The following PWWP2A variants were observed in gnomAD, a reference collection of about 807,000 sequenced individuals.
PWWP2A encodes PWWP domain-containing protein 2A.
In PWWP2A, 18 loss-of-function variants were observed where a neutral mutation model predicts 48.5. That is an observed-to-expected ratio of 0.37 (90% CI 0.26 to 0.55). The LOEUF (loss-of-function observed/expected upper bound fraction) is 0.55. Among genes scored for constraint, PWWP2A ranks in the 20% least tolerant of loss-of-function variants. PWWP2A has a pLI of 0.81. For missense variants in PWWP2A, 867 were observed against 976.4 expected, an observed-to-expected ratio of 0.89 and a Z score of 1.49; for synonymous variants, 396 against 387.7, an observed-to-expected ratio of 1.02 and a Z score of -0.25.
chr5:160,073,041 A>C (rs1420926264), downstream of PWWP2A, among the ~76,000 whole-genome samples: 1 of 145,806 alleles, frequency 6.9e-6, no homozygotes, highest in Non-Finnish European at 1.5e-5. Context: ...AAATCCTAAC[A>C]TCTCCCCAGG....
chr5:160,077,227 G>C lies in PWWP2A; in HGVS notation c.*928C>G, dbSNP rs950748585. 6 of 152,142 alleles carry C rather than the reference G, an allele frequency of 3.9e-5. No individual in the cohort carries two copies. The highest frequency in any genetic ancestry group is 1.4e-4 in the African/African-American group (6 of 41,412). The allele number at this position is 152,142 out of a possible 1,614,324, so 9.4% of individuals were successfully genotyped here. ...ACCTGTTGGAATTTCTTGCACTTAG[G>C]AGCGGCTCTCTATGGAGAGAGGTCC... On this transcript the variant is annotated 3_prime_UTR_variant, in exon 4 of 4. Transcript: ENST00000456329. This position sits in a 1 kb window ranked among gnomAD's most constrained non-coding sequence, Gnocchi z 4.2.
chr5:160,105,605 G>A lies in PWWP2A; in HGVS notation c.585-11540C>T, dbSNP rs553998523. On this transcript the variant is annotated intron_variant, in intron 1 of 1. Transcript: ENST00000307063. ...AAAAAAGAAAGCAAGCATGCCAGAA[G>A]GGGACTATAGGGACAAAACTTACCT... The A allele has an allele frequency of 1.8e-3, 1,274 of 701,652 alleles. 2 individuals are homozygous for A. The highest frequency in any genetic ancestry group is 2.1e-3 in the Non-Finnish European group (1,195 of 572,838). 43.5% of individuals were successfully genotyped at this position (701,652 alleles called of 1,614,324 possible).
At chr5:160,059,809 G>A (rs78618476), downstream of PWWP2A, among the ~76,000 whole-genome samples, 2,418 of 152,244 alleles carry the variant, frequency 0.016, 47 homozygotes, top group African/African-American at 0.055. Flanking sequence ...ACAGGTATAA[G>A]AATAGTGAAA....
downstream of PWWP2A, among the ~76,000 whole-genome samples, chr5:160,087,227 T>TA (rs56279502): frequency 7.9e-5 from 12 of 151,928 alleles, no homozygotes; most frequent in African/African-American, 2.9e-4. Context: ...AAACATTTTT[T>TA]AAAAATTAGC....
downstream of PWWP2A, among the ~76,000 whole-genome samples, chr5:160,060,312 ATCAAT>A (rs1757663771): frequency 6.6e-6 from 1 of 152,236 alleles, no homozygotes; most frequent in Non-Finnish European, 1.5e-5. Flanking sequence ...TGTATAACAA[ATCAAT>A]TGGGTTATGG....
chr5:160,071,880 T>TA (rs553841672), downstream of PWWP2A, among the ~76,000 whole-genome samples: 8 of 152,232 alleles, frequency 5.3e-5, 1 homozygote, highest in South Asian at 1.7e-3. Flanking sequence ...TCCCTCCCCT[T>TA]AAAAAATACA....
At chr5:160,081,280 G>C (rs1016477512) in intron 2 of PWWP2A, among the ~76,000 whole-genome samples, 7 of 146,176 alleles carry the variant, frequency 4.8e-5, no homozygotes, top group Non-Finnish European at 8.9e-5. Flanking sequence ...ACTCTTGTTA[G>C]CAGGCTGGAG....
intron 1 of PWWP2A, chr5:160,116,647 C>A: frequency 1.0e-6 from 1 of 985,026 alleles, no homozygotes; most frequent in Non-Finnish European, 1.2e-6. Context: ...AAAGCACTAA[C>A]ACAATGAGCA....
rs185421452 is a variant in PWWP2A, at chr5:160,094,224, A to G, written c.585-159T>C. ...ACAAAAATCTACTATCTCTTCCCCC[A>G]AAAGTTCAAAGACCTTCATTTCTTT... On this transcript the variant is annotated intron_variant, in intron 1 of 1. Coordinates refer to ENST00000307063, the MANE Select transcript of PWWP2A (RefSeq NM_001130864.2). Among the ~76,000 whole-genome samples the G allele has an allele frequency of 3.5e-3, 535 of 152,356 alleles. 1 individual carries two copies. The highest frequency in any genetic ancestry group is 0.013 in the African/African-American group (523 of 41,584).
chr5:160,062,493 A>G (rs1753448131), intron 5 of PWWP2A, among the ~76,000 whole-genome samples: 1 of 152,168 alleles, frequency 6.6e-6, no homozygotes, highest in Non-Finnish European at 1.5e-5. Context: ...TCCCCACTAG[A>G]CTGAGCATTG....
At chr5:160,057,312 A>T (rs951891802), downstream of PWWP2A, among the ~76,000 whole-genome samples, 1 of 152,216 alleles carries the variant, frequency 6.6e-6, no homozygotes, top group African/African-American at 2.4e-5. This position sits in a 1 kb window ranked among gnomAD's most constrained non-coding sequence, Gnocchi z 4.4. Context: ...CAGCACAATA[A>T]AGCGAGTCAC....
intron 4 of PWWP2A, among the ~76,000 whole-genome samples, chr5:160,064,535 C>T (rs938776869): frequency 6.6e-6 from 1 of 152,204 alleles, no homozygotes; most frequent in Non-Finnish European, 1.5e-5. Flanking sequence ...GGGACCTCTG[C>T]CCTCACTACC....
chr5:160,083,014 TA>T (rs1174242295), intron 2 of PWWP2A, among the ~76,000 whole-genome samples: 1 of 152,118 alleles, frequency 6.6e-6, no homozygotes, highest in Non-Finnish European at 1.5e-5. Context: ...AATTAAAAAC[TA>T]AAAACTTAAG....
At chr5:160,051,081 G>GT in the PWWP2A span, 9 of 1,094,290 alleles carry the variant, frequency 8.2e-6, no homozygotes, top group Non-Finnish European at 1.0e-5. Context: ...GAAAGGTTTT[G>GT]GTTTTTTTTT....
At chr5:160,085,498 T>C (rs1754554179) in intron 2 of PWWP2A, among the ~76,000 whole-genome samples, 1 of 143,738 alleles carries the variant, frequency 7.0e-6, no homozygotes, top group South Asian at 2.2e-4. Flanking sequence ...CAAGTAACTG[T>C]CACATTCTTT....
At chr5:160,046,099 G>A in the PWWP2A span, among the ~76,000 whole-genome samples, 1 of 152,224 alleles carries the variant, frequency 6.6e-6, no homozygotes, top group East Asian at 1.9e-4. Flanking sequence ...TTCAATTGCT[G>A]TACCATTTAT....
intron 1 of PWWP2A, among the ~76,000 whole-genome samples, chr5:160,094,760 G>T (rs73311154): frequency 0.013 from 1,939 of 152,006 alleles, 48 homozygotes; most frequent in African/African-American, 0.044. Context: ...AAAACACTTA[G>T]GAATGGGCCG....
downstream of PWWP2A, among the ~76,000 whole-genome samples, chr5:160,061,040 T>C (rs1033714189): frequency 2.0e-5 from 3 of 152,258 alleles, no homozygotes; most frequent in Non-Finnish European, 4.4e-5. Flanking sequence ...AACTCAGTTC[T>C]CAAGCTGTCA....
At chr5:160,070,072 T>C (rs558048389) in intron 2 of PWWP2A, among the ~76,000 whole-genome samples, 1 of 152,242 alleles carries the variant, frequency 6.6e-6, no homozygotes, top group African/African-American at 2.4e-5. Flanking sequence ...TTCATACTCA[T>C]ATGGTGGTCT....
Sources: allele counts gnomAD v4.1 joint callset (sites outside exome capture counted in the v4.1 genomes callset), GRCh38; gene constraint gnomAD v4.1.1; non-coding constraint Gnocchi (gnomAD v3.1); transcripts MANE v1.5; gene names NCBI Gene and HGNC (gene_info 2026-07-23, HGNC 2026-07-21).